Variants in KRI1 observed in about 807,000 individuals in gnomAD.
KRI1 encodes protein KRI1 homolog.
A neutral mutation model predicts 97.0 loss-of-function variants in KRI1; 83 were observed. The ratio of observed to expected loss-of-function variants is 0.86; its 90% CI spans 0.72 to 1.03. The LOEUF is 1.03. Among genes scored for constraint, KRI1 ranks in the 50% least tolerant of loss-of-function variants. The probability of loss-of-function intolerance (pLI) is 0.00; values close to 1 mark genes in which losing one functional copy is unlikely to be tolerated. For synonymous variants in KRI1, 371 were observed against 363.5 expected (o/e 1.02, Z -0.23); for missense variants, 916 against 928.4 (o/e 0.99, Z 0.17).
At chr19:10,562,603 G>C (rs1422183239) in intron 4 of KRI1, 126 bp downstream of exon 4, 1 of 679,000 alleles carries the variant, frequency 1.5e-6, no homozygotes. Flanking sequence ...AAAGTGCTGG[G>C]ATTATGGGCA....
intron 16 of KRI1, among the ~76,000 whole-genome samples, chr19:10,556,629 C>T (rs564971847): frequency 2.2e-4 from 34 of 151,564 alleles, no homozygotes; most frequent in African/African-American, 7.5e-4. Flanking sequence ...TTTGCACCAC[C>T]GCATGCCGGC....
intron 15 of KRI1, 35 bp downstream of exon 15, chr19:10,557,734 C>T (rs1916549949): frequency 6.2e-7 from 1 of 1,613,842 alleles, no homozygotes; most frequent in Non-Finnish European, 8.5e-7. Context: ...CGCGGTGCCC[C>T]CTGCCTACCC....
chr19:10,559,962 A>AG, intron 9 of KRI1, 26 bp from the exon 10 acceptor site: 1 of 1,605,288 alleles, frequency 6.2e-7, no homozygotes, highest in South Asian at 1.1e-5. Flanking sequence ...TGGTGATGCC[A>AG]GGGGGCCAGC....
rs759313229 is a variant in KRI1 at position 10,554,185 on chromosome 19, C to T, written c.1878G>A (p.Pro626=). 1.4e-5 allele frequency: 23 copies of T among 1,613,750 alleles called. No individual in the cohort carries two copies. The highest frequency in any genetic ancestry group is 4.5e-5 in the East Asian group (2 of 44,886). ...LPALDGSLMG[P]ESPPAQEEEA... is the part of the protein sequence containing the mutation. Reference sequence around the variant, plus strand: ...CCTCTTCCTGTGCTGGGGGACTCTCCGGCCCCATCAAGCTGCCATCAAGGG... The same window carrying T: ...CCTCTTCCTGTGCTGGGGGACTCTCTGGCCCCATCAAGCTGCCATCAAGGG... Residue 626 remains proline (P), a synonymous_variant, in exon 19 of 19, where the codon CCG becomes CCA. Coordinates refer to ENST00000312962, the MANE Select transcript of KRI1 (RefSeq NM_023008.5).
chr19:10,558,845 GAGGTGCACGCCA>G (rs1180057390), intron 12 of KRI1, among the ~76,000 whole-genome samples: 1 of 150,264 alleles, frequency 6.7e-6, no homozygotes, highest in Non-Finnish European at 1.5e-5. Context: ...GCTAGGATTA[GAGGTGCACGCCA>G]CTACACCCTG....
At chr19:10,558,277 G>C in intron 12 of KRI1, 38 bp from the exon 13 acceptor site, 8 of 1,603,080 alleles carry the variant, frequency 5.0e-6, no homozygotes, top group Non-Finnish European at 6.8e-6. Flanking sequence ...GAGCCCACTC[G>C]AGACATAGGA....
At chr19:10,565,819 C>CCA (rs1916855195) in intron 1 of KRI1, 29 bp from the exon 2 acceptor site, 4 of 1,550,614 alleles carry the variant, frequency 2.6e-6, no homozygotes, top group Non-Finnish European at 3.5e-6. Flanking sequence ...ATGCCCCCCC[C>CCA]CAGGTCAGCC....
chr19:10,556,334 T>C (rs1037584394), intron 16 of KRI1, among the ~76,000 whole-genome samples: 2 of 150,686 alleles, frequency 1.3e-5, no homozygotes, highest in East Asian at 4.1e-4. Flanking sequence ...TGCTACCAAG[T>C]CTTACCAGCC....
At chr19:10,558,358 C>T (rs1475493531) in intron 12 of KRI1, 119 bp from the exon 13 acceptor site, 4 of 821,814 alleles carry the variant, frequency 4.9e-6, no homozygotes, top group Admixed American at 4.1e-5. Flanking sequence ...GGGCTCCCTA[C>T]AGCCCTCCCA....
chr19:10,561,056 C>A lies in KRI1; in HGVS notation c.610G>T (p.Glu204Ter). 1.2e-6 allele frequency: 2 copies of A among 1,614,204 alleles called. No homozygotes were observed. The highest frequency in any genetic ancestry group is 2.7e-5 in the African/African-American group (2 of 75,038). ...ATCTCTTTCTGTCCCTTCAGCCACT[C>A]GATGTAGTCGGCCTCCTCCTGGGCC... ...EKAQEEADYIEWLKGQKEIRN... is the reference protein window; with the variant it reads ...EKAQEEADYI Residue 204 changes from glutamate (E) to a stop codon, truncating the protein, a stop_gained, in exon 8 of 19, where the codon GAG becomes TAG. Coordinates refer to ENST00000312962, the MANE Select transcript of KRI1 (RefSeq NM_023008.5). LOFTEE classifies it high-confidence loss of function.
At chr19:10,554,564 G>C (rs920691996) in intron 18 of KRI1, among the ~76,000 whole-genome samples, 2 of 152,102 alleles carry the variant, frequency 1.3e-5, no homozygotes, top group Non-Finnish European at 2.9e-5. Flanking sequence ...TTCTTCCTTA[G>C]AGACAAGGTC....
rs1250137541 is a variant in KRI1 at position 10,559,274 on chromosome 19, G to A, written c.1194+85C>T. ...CCTGCCTTAGCCTCCCAAAGTGCTG[G>A]GATTACAGGCGTGAGCCACCGTGGC... On this transcript the variant is annotated intron_variant, in intron 12 of 18. Coordinates refer to ENST00000312962, the MANE Select transcript of KRI1 (RefSeq NM_023008.5). 2.0e-6 allele frequency: 3 copies of A among 1,468,180 alleles called. No individual in the cohort carries two copies. The East Asian group carries it at 6.9e-5, about 34-fold the overall frequency. 90.9% of individuals were successfully genotyped at this position (1,468,180 alleles called of 1,614,324 possible). A position where few individuals can be genotyped will look rare whatever the true frequency, so the allele number is the denominator to read the frequency against.
chr19:10,554,035 G>T lies in KRI1; in HGVS notation c.2028C>A (p.Ala676=). The T allele has an allele frequency of 1.2e-6, 2 of 1,614,206 alleles. No homozygotes were observed. Among genetic ancestry groups the T allele is most frequent in the Non-Finnish European group, 1.7e-6 (2 of 1,180,040 alleles). The change falls in exon 19 of 19, where the codon GCC becomes GCA. Residue 676 remains alanine, a synonymous_variant. Transcript: ENST00000312962. ...GCAGCCGTTTGGGGTTGAGGCCAAA[G>T]GCCTGCAGTCTCTGGCGGCTGAACT... ...GCEFSRQRLQ[A]FGLNPKRLHF... is the part of the protein sequence containing the mutation.
Position 10,553,775 on chromosome 19 carries a change from T to TC in KRI1, c.*175dup. The TC allele has an allele frequency of 3.3e-6, 2 of 602,350 alleles. No homozygotes were observed. Among genetic ancestry groups the TC allele is most frequent in the South Asian group, 2.4e-5 (1 of 41,834 alleles). 37.3% of individuals were successfully genotyped at this position (602,350 alleles called of 1,614,324 possible). The stretch of plus-strand genomic sequence containing the variant: ...TCTCGCTAAGTTGCCCACGCTGGTC[T>TC]CCAATTCCTGGGCTCAAGTGATCCT... On this transcript the variant is annotated 3_prime_UTR_variant, in exon 19 of 19. Coordinates refer to ENST00000312962, the MANE Select transcript of KRI1 (RefSeq NM_023008.5).
In KRI1 at chr19:10,554,129, G is replaced by A; in HGVS notation, c.1934C>T (p.Ala645Val). ...CTTGGCCCTCCTCCGCTTCTGGGGG[G>A]CTGGCTTCTTGTGGGGTGATACAGG... ...EAPVSPHKKP[A>V]PQKRRRAKKA... The change falls in exon 19 of 19, where the codon GCC (alanine) becomes GTC (valine). Residue 645 changes from alanine (A) to valine (V), a missense_variant. Around this residue, in one of 3 missense-constraint regions of KRI1, gnomAD observed 672 missense variants for 667.2 expected, o/e 1.01. Transcript: ENST00000312962. 6 of 1,614,136 alleles carry A rather than the reference G, an allele frequency of 3.7e-6. No individual in the cohort carries two copies. The highest frequency in any genetic ancestry group is 1.3e-5 in the African/African-American group (1 of 75,072).
intron 16 of KRI1, among the ~76,000 whole-genome samples, chr19:10,557,004 G>A (rs1362018738): frequency 6.6e-6 from 1 of 152,020 alleles, no homozygotes; most frequent in Admixed American, 6.6e-5. Context: ...TAATATTTAC[G>A]GGGCGTGCCA....
In KRI1 at chr19:10,559,437, T is replaced by C. The variant is rs772986833; in HGVS notation, c.1116A>G (p.Thr372=). 21 of 1,613,932 alleles carry C rather than the reference T, an allele frequency of 1.3e-5. No homozygotes were observed. The highest frequency in any genetic ancestry group is 1.6e-5 in the Non-Finnish European group (19 of 1,180,030). The part of the protein sequence containing the change: ...LAKLEKLRKV[T]GNEMLGLEEG... ...CCTCGAGGCCCAGCATCTCGTTGCC[T>C]GTTACTTTCCGCAGCTTCTCCAGCT... is the stretch of plus-strand genomic sequence containing the variant. Residue 372 remains threonine, a synonymous_variant, in exon 12 of 19, where the codon ACA becomes ACG. Coordinates refer to ENST00000312962, the MANE Select transcript of KRI1 (RefSeq NM_023008.5).
At position 10,554,300 on chromosome 19, in the gene KRI1, G is replaced by A; in HGVS notation, c.1782-19C>T. 1 of 1,606,312 alleles carries A rather than the reference G, an allele frequency of 6.2e-7. No individual in the cohort carries two copies. The highest frequency in any genetic ancestry group is 8.5e-7 in the Non-Finnish European group (1 of 1,174,002). On this transcript the variant is annotated intron_variant, in intron 18 of 18. Transcript: ENST00000312962. ...CTCTGCCCTGAGGGAGAAAAGTCAG[G>A]GCTCAGCCCAGGCCTGTCAAGATCA...
chr19:10,556,329 C>T (rs1201358777), intron 16 of KRI1, among the ~76,000 whole-genome samples: 1 of 151,858 alleles, frequency 6.6e-6, no homozygotes, highest in Non-Finnish European at 1.5e-5. Flanking sequence ...AGCCCTGCTA[C>T]CAAGTCTTAC....
Sources: allele counts gnomAD v4.1 joint callset (sites outside exome capture counted in the v4.1 genomes callset), GRCh38; gene constraint gnomAD v4.1.1; regional missense constraint gnomAD v4.1.1; transcripts MANE v1.5; gene names NCBI Gene and HGNC (gene_info 2026-07-23, HGNC 2026-07-21).